HHLA1: variants seen among roughly 807,000 people sequenced by gnomAD.
HHLA1 encodes the protein HERV-H LTR-associating protein 1.
In HHLA1, 72 loss-of-function variants were observed where a neutral mutation model predicts 69.9. The observed-to-expected ratio is 1.03, with a 90% CI of 0.85 to 1.25. The LOEUF is 1.25. Among genes scored for constraint, HHLA1 ranks in the 50% most tolerant of loss-of-function variants. The pLI is 0.00. For missense variants in HHLA1, 685 were observed against 642.2 expected (o/e 1.07, Z -0.72); for synonymous variants, 252 against 233.2 (o/e 1.08, Z -0.73).
chr8:132,078,004 G>C (rs1010682910), intron 11 of HHLA1, 33 bp from the exon 12 acceptor site: 43 of 1,547,984 alleles, frequency 2.8e-5, no homozygotes, highest in Non-Finnish European at 3.6e-5. Flanking sequence ...ACAGGGTACA[G>C]ACATGCTTGA....
intron 7 of HHLA1, 113 bp from the exon 8 acceptor site, chr8:132,089,712 A>G: frequency 3.0e-6 from 2 of 662,704 alleles, no homozygotes; most frequent in Non-Finnish European, 5.5e-6. Flanking sequence ...AGTTTAGTGT[A>G]TTGAGGAATA....
At chr8:132,103,537 G>C (rs1056672357) in intron 3 of HHLA1, among the ~76,000 whole-genome samples, 4 of 152,122 alleles carry the variant, frequency 2.6e-5, no homozygotes, top group Non-Finnish European at 5.9e-5. Flanking sequence ...AGAATCTCTT[G>C]AGCCTTTGGG....
In HHLA1 at chr8:132,079,892, G is replaced by A. The variant is rs1823715234; in HGVS notation, c.751C>T (p.Pro251Ser). Residue 251 changes from proline (P) to serine (S), a missense_variant, in exon 11 of 17, where the codon CCC becomes TCC. By Grantham distance (74) the Pro-to-Ser change is moderately conservative. Coordinates refer to ENST00000414222, the MANE Select transcript of HHLA1 (RefSeq NM_001145095.3). ...GGTGTGCTCTGGGTCCAGTGTCCGG[G>A]GCTTGTACTTGGTAGTGTTTTCTGG... is the stretch of plus-strand genomic sequence containing the variant. ...KSQKTLPSTS[P>S]GHWTQSTPWA... 1.3e-6 allele frequency: 2 copies of A among 1,552,196 alleles called. No individual in the cohort carries two copies. The highest frequency in any genetic ancestry group is 1.7e-6 in the Non-Finnish European group (2 of 1,147,092).
chr8:132,103,965 T>C, intron 3 of HHLA1, 143 bp downstream of exon 3: 1 of 618,558 alleles, frequency 1.6e-6, no homozygotes, highest in Non-Finnish European at 2.9e-6. Flanking sequence ...AATGAGTAGC[T>C]CACAGGAACC....
In HHLA1 at chr8:132,079,775, G is replaced by C; in HGVS notation, c.868C>G (p.Leu290Val). ...CATGTGGCTGTGGCCCTGGCTGGAA[G>C]CTCAGGAGGCCTGCCTGTGTTCAGG... ...ETLNTGRPPE[L>V]PARATATWFS... is the part of the protein sequence containing the mutation. The change falls in exon 11 of 17, where the codon CTT becomes GTT. Residue 290 changes from leucine to valine, a missense_variant. Physicochemically the swap from Leu to Val is conservative, Grantham distance 32. Coordinates refer to ENST00000414222, the MANE Select transcript of HHLA1 (RefSeq NM_001145095.3). 1 of 1,551,714 alleles carries C rather than the reference G, an allele frequency of 6.4e-7. No homozygotes were observed. Among genetic ancestry groups the C allele is most frequent in the Non-Finnish European group, 8.7e-7 (1 of 1,146,976 alleles).
chr8:132,104,848 A>G (rs1038794242), intron 2 of HHLA1, among the ~76,000 whole-genome samples: 2 of 152,162 alleles, frequency 1.3e-5, no homozygotes, highest in Non-Finnish European at 2.9e-5. Context: ...ACCTAACAAG[A>G]TTTATGAAAA....
intron 10 of HHLA1, among the ~76,000 whole-genome samples, chr8:132,084,247 C>T (rs1365570018): frequency 1.3e-5 from 2 of 151,986 alleles, no homozygotes; most frequent in Middle Eastern, 3.4e-3. Flanking sequence ...GGTGGAGGAG[C>T]GGAGGCTGAG....
In HHLA1 at chr8:132,068,831, A is replaced by G. The variant is rs73710813; in HGVS notation, c.1469+2509T>C. Among the ~76,000 whole-genome samples the G allele has an allele frequency of 9.3e-3, 1,415 of 152,308 alleles. 22 individuals carry two copies. Among genetic ancestry groups the G allele is most frequent in the African/African-American group, 0.032 (1,320 of 41,556 alleles). On this transcript the variant is annotated intron_variant, in intron 15 of 16. Coordinates refer to ENST00000414222, the MANE Select transcript of HHLA1 (RefSeq NM_001145095.3). ...GTTATCCTGCAAGGAGTGTGCCCCA[A>G]GAATGGTTCTGGGGCCCCAAATAAG...
At position 132,081,788 on chromosome 8, in the gene HHLA1, G is replaced by A. The variant is rs1004786292; in HGVS notation, c.677-1822C>T. Among the ~76,000 whole-genome samples the A allele has an allele frequency of 1.7e-4, 26 of 152,166 alleles. 1 individual carries two copies. The highest frequency in any genetic ancestry group is 1.3e-4 in the Non-Finnish European group (9 of 68,032). On this transcript the variant is annotated intron_variant, in intron 10 of 16. Coordinates refer to ENST00000414222, the MANE Select transcript of HHLA1 (RefSeq NM_001145095.3). ...GCAAATCCTCGAGCTTCATGTGTAC[G>A]GAAGGGAGGGGGCCTGAATAATCCC...
rs1200309257 is a variant in HHLA1 at position 132,062,348 on chromosome 8, C to T, written c.*1647G>A. 2.6e-5 allele frequency: 4 copies of T among 152,248 alleles called. No homozygotes were observed. The highest frequency in any genetic ancestry group is 5.9e-5 in the Non-Finnish European group (4 of 68,056). 9.4% of individuals were successfully genotyped at this position (152,248 alleles called of 1,614,324 possible). A position where few individuals can be genotyped will look rare whatever the true frequency, so the allele number is the denominator to read the frequency against. ...AAGAGAAATGTCTGGCTGCTCCTCT[C>T]TCCAATGTCCAAGTTCTACCTCCCC... On this transcript the variant is annotated 3_prime_UTR_variant, in exon 17 of 17. Transcript: ENST00000414222.
chr8:132,073,998 C>G (rs187542596), intron 14 of HHLA1, among the ~76,000 whole-genome samples: 1 of 152,200 alleles, frequency 6.6e-6, no homozygotes, highest in East Asian at 1.9e-4. Flanking sequence ...CTTTCTGCAA[C>G]ACAAATCTGA....
chr8:132,104,208 A>T (rs1346193064), intron 2 of HHLA1, 41 bp from the exon 3 acceptor site: 2 of 1,380,122 alleles, frequency 1.4e-6, no homozygotes, highest in Admixed American at 4.0e-5. Context: ...TATAACCAAG[A>T]CATAATACCG....
rs558950866 is a variant in HHLA1 at position 132,071,199 on chromosome 8, G to GA, written c.1469+140dup. On this transcript the variant is annotated intron_variant, in intron 15 of 16. Transcript: ENST00000414222. ...ACTGTCTAGTAAAGGACTCACTGGA[G>GA]AGTCCCTTACCTTGAGGTAACCCCT... 12 of 639,386 alleles carry GA rather than the reference G, an allele frequency of 1.9e-5. No homozygotes were observed. The East Asian group carries it at 3.3e-4, about 18-fold the overall frequency. The allele number at this position is 639,386 out of a possible 1,614,324, so 39.6% of individuals were successfully genotyped here.
intron 12 of HHLA1, 64 bp from the exon 13 acceptor site, chr8:132,076,607 AC>A: frequency 9.1e-7 from 1 of 1,095,162 alleles, no homozygotes; most frequent in Non-Finnish European, 1.3e-6. Context: ...GGAGAAGATG[AC>A]CAGGGCCACC....
intron 1 of HHLA1, among the ~76,000 whole-genome samples, chr8:132,107,871 G>A (rs1187355054): frequency 1.3e-5 from 2 of 152,018 alleles, no homozygotes; most frequent in Non-Finnish European, 2.9e-5. Context: ...CTTCAGACTG[G>A]CTAGACTTCA....
chr8:132,086,426 A>G (rs1823865084), intron 10 of HHLA1, among the ~76,000 whole-genome samples: 1 of 152,150 alleles, frequency 6.6e-6, no homozygotes, highest in Non-Finnish European at 1.5e-5. Context: ...CCTGCGTGCA[A>G]CACCAGCCTG....
In HHLA1 at chr8:132,063,918, C is replaced by T. The variant is rs1823392776; in HGVS notation, c.*77G>A. Reference sequence around the variant, plus strand: ...GCCTGGGTGAATTCTTCAAATGTAGCCCACTTGGGACAAGAGCCAGGGTGG... The same window carrying T: ...GCCTGGGTGAATTCTTCAAATGTAGTCCACTTGGGACAAGAGCCAGGGTGG... On this transcript the variant is annotated 3_prime_UTR_variant, in exon 17 of 17. Coordinates refer to ENST00000414222, the MANE Select transcript of HHLA1 (RefSeq NM_001145095.3). The T allele has an allele frequency of 1.5e-6, 1 of 670,744 alleles. No individual in the cohort carries two copies. The highest frequency in any genetic ancestry group is 3.3e-5 in the Admixed American group (1 of 29,970). The allele number at this position is 670,744 out of a possible 1,614,324, so 41.5% of individuals were successfully genotyped here. A position where few individuals can be genotyped will look rare whatever the true frequency, so the allele number is the denominator to read the frequency against.
At chr8:132,092,372 G>T (rs1470842896) in intron 7 of HHLA1, among the ~76,000 whole-genome samples, 1 of 152,178 alleles carries the variant, frequency 6.6e-6, no homozygotes, top group Non-Finnish European at 1.5e-5. Context: ...TAGTGAATGT[G>T]CATGCCTTCT....
intron 16 of HHLA1, among the ~76,000 whole-genome samples, chr8:132,064,249 A>C (rs10104361): frequency 0.014 from 2,140 of 152,336 alleles, 45 homozygotes; most frequent in African/African-American, 0.046. Context: ...ATCAAAGTCT[A>C]GTGAGGAGCA....
Sources: gnomAD v4.1 joint callset for allele counts (sites outside exome capture counted in the v4.1 genomes callset) on GRCh38, gnomAD v4.1.1 for gene constraint, MANE v1.5 for transcripts, NCBI Gene and HGNC (gene_info 2026-07-23, HGNC 2026-07-21) for gene names.